Variants in ZNF575 observed in about 807,000 individuals in gnomAD.
The protein encoded by ZNF575 is zinc finger protein 575.
Under a neutral mutation model 17.5 loss-of-function variants are expected in ZNF575, and 17 were observed. The ratio of observed to expected loss-of-function variants is 0.97; its 90% CI spans 0.66 to 1.45. The LOEUF is 1.45. ZNF575 is among the 40% of genes most tolerant of loss of function. The pLI, the probability that ZNF575 is intolerant of heterozygous loss-of-function variation, is 0.00. For synonymous variants in ZNF575, 146 were observed against 158.3 expected, an observed-to-expected ratio of 0.92 and a Z score of 0.58; for missense variants, 352 against 359.2, an observed-to-expected ratio of 0.98 and a Z score of 0.16.
Position 43,535,771 on chromosome 19 carries a change from G to A in ZNF575, c.*84G>A, listed in dbSNP as rs1972413364. On this transcript the variant is annotated 3_prime_UTR_variant, in exon 4 of 4. Transcript: ENST00000314228. ...TTTCTAAGACCGACTGTATGAGCTC[G>A]CCTCTTCCAGATAGCTGGCAGAGGG... is the stretch of plus-strand genomic sequence containing the variant. The A allele has an allele frequency of 1.1e-5, 16 of 1,428,724 alleles. No homozygotes were observed. The highest frequency in any genetic ancestry group is 1.4e-5 in the Non-Finnish European group (15 of 1,075,662). 88.5% of individuals were successfully genotyped at this position (1,428,724 alleles called of 1,614,324 possible).
chr19:43,532,265 G>C (rs12981701), upstream of ZNF575, among the ~76,000 whole-genome samples: 57,218 of 151,590 alleles, frequency 0.38, 11,229 homozygotes, highest in Non-Finnish European at 0.43. Context: ...CTGACGTCAG[G>C]TGATCCGTCC....
intron 2 of ZNF575, 108 bp downstream of exon 2, chr19:43,534,010 G>C (rs1026962930): frequency 1.1e-5 from 2 of 189,932 alleles, no homozygotes; most frequent in Non-Finnish European, 2.2e-5. Flanking sequence ...CCCGCCCCCT[G>C]GGTCTAGTTT....
At chr19:43,534,582 G>A in intron 3 of ZNF575, 81 bp downstream of exon 3, 2 of 1,334,138 alleles carry the variant, frequency 1.5e-6, no homozygotes, top group South Asian at 1.7e-5. Flanking sequence ...GAATCTCAGG[G>A]TGAAAATTTG....
In ZNF575 at chr19:43,533,439, G is replaced by A. The variant is rs1398270469; in HGVS notation, c.-277G>A. ...GCAGCTCCGCTGGTCCGAGGGCAGT[G>A]CAGCAGCGGCGACAGCGGCTGCGGC... On this transcript the variant is annotated 5_prime_UTR_variant, in exon 1 of 4. Transcript: ENST00000314228. 1 of 152,218 alleles carries A rather than the reference G, an allele frequency of 6.6e-6. No homozygotes were observed. The highest frequency in any genetic ancestry group is 1.5e-5 in the Non-Finnish European group (1 of 68,084). The allele number at this position is 152,218 out of a possible 1,614,324, so 9.4% of individuals were successfully genotyped here. A position where few individuals can be genotyped will look rare whatever the true frequency, so the allele number is the denominator to read the frequency against.
upstream of ZNF575, among the ~76,000 whole-genome samples, chr19:43,532,348 C>G (rs1972355598): frequency 6.6e-6 from 1 of 152,078 alleles, no homozygotes; most frequent in Admixed American, 6.6e-5. Context: ...TTTGGAAATC[C>G]TGGGCTCAAG....
In ZNF575 at chr19:43,535,215, G is replaced by T; in HGVS notation, c.266G>T (p.Arg89Leu). The change falls in exon 4 of 4, where the codon CGA becomes CTA. Residue 89 changes from arginine (R) to leucine (L), a missense_variant. Transcript: ENST00000314228. ...CACCGCTTAGCACACGGAGGCGCCCGACCCCACCCATGCCCAGACTGCCCC... is the reference window on the plus strand; with the variant it reads ...CACCGCTTAGCACACGGAGGCGCCCTACCCCACCCATGCCCAGACTGCCCC... ...ATHRLAHGGA[R>L]PHPCPDCPKA... 6.2e-7 allele frequency: 1 copy of T among 1,610,418 alleles called. No individual in the cohort carries two copies. The highest frequency in any genetic ancestry group is 1.1e-5 in the South Asian group (1 of 90,746).
chr19:43,530,879 TATA>T (rs549367040), upstream of ZNF575, among the ~76,000 whole-genome samples: 703 of 152,270 alleles, frequency 4.6e-3, 4 homozygotes, highest in African/African-American at 0.016. Context: ...GTTTCCAGTG[TATA>T]ATAAGTGCTA....
chr19:43,531,941 A>AATTTTTTTTT, upstream of ZNF575: 3 of 173,022 alleles, frequency 1.7e-5, no homozygotes, highest in Non-Finnish European at 1.1e-5. Context: ...ATTAAGCCAG[A>AATTTTTTTTT]CTTTTTTTTT....
At chr19:43,534,149 G>A (rs1180748261) in intron 2 of ZNF575, 188 bp from the exon 3 acceptor site, 1 of 501,868 alleles carries the variant, frequency 2.0e-6, no homozygotes, top group African/African-American at 2.0e-5. Flanking sequence ...GTTAGTTGTG[G>A]AGACTCCGCC....
Position 43,535,234 on chromosome 19 carries a change from C to T in ZNF575, c.285C>T (p.Asp95=), listed in dbSNP as rs747649150. Residue 95 remains aspartate (D), a synonymous_variant, in exon 4 of 4, where the codon GAC becomes GAT. Coordinates refer to ENST00000314228, the MANE Select transcript of ZNF575 (RefSeq NM_174945.3). Reference sequence around the variant, plus strand: ...GCGCCCGACCCCACCCATGCCCAGACTGCCCCAAGGCCTTCTCCTACCCCT... The same window carrying T: ...GCGCCCGACCCCACCCATGCCCAGATTGCCCCAAGGCCTTCTCCTACCCCT... ...HGGARPHPCP[D]CPKAFSYPSK... 8.1e-6 allele frequency: 13 copies of T among 1,611,770 alleles called. No individual in the cohort carries two copies. The highest frequency in any genetic ancestry group is 1.7e-4 in the Middle Eastern group (1 of 6,056).
rs772161931 is a variant in ZNF575, at chr19:43,534,437, C to A, written c.15C>A (p.Gly5=). ...GTGCCAGCAAGATGCTGGAGCGAGG[C>A]GCGGAGTCCGCGGCCGGGGCTACCG... MLER[G]AESAAGATDP... The change falls in exon 3 of 4, where the codon GGC becomes GGA. Residue 5 remains glycine, a synonymous_variant. Transcript: ENST00000314228. 8.4e-6 allele frequency: 13 copies of A among 1,552,102 alleles called. No homozygotes were observed. Among genetic ancestry groups the A allele is most frequent in the African/African-American group, 1.4e-5 (1 of 72,332 alleles).
intron 3 of ZNF575, among the ~76,000 whole-genome samples, chr19:43,534,736 A>T (rs553784398): frequency 6.6e-6 from 1 of 152,326 alleles, no homozygotes; most frequent in Non-Finnish European, 1.5e-5. Flanking sequence ...CAGGGATGAC[A>T]TGCGGGATGT....
chr19:43,531,646 TA>T (rs1972345751), upstream of ZNF575, among the ~76,000 whole-genome samples: 3 of 152,302 alleles, frequency 2.0e-5, no homozygotes, highest in South Asian at 6.2e-4. Flanking sequence ...GGAGCTCATT[TA>T]GATCTTAAGT....
At chr19:43,533,164 C>G (rs560144885), upstream of ZNF575, 1 of 152,090 alleles carries the variant, frequency 6.6e-6, no homozygotes, top group African/African-American at 2.4e-5. Flanking sequence ...CCGCCACCGG[C>G]GGTGCACTTT....
At position 43,535,197 on chromosome 19, in the gene ZNF575, T is replaced by G. The variant is rs1162634451; in HGVS notation, c.248T>G (p.Leu83Ter). The G allele has an allele frequency of 1.9e-6, 3 of 1,610,170 alleles. No individual in the cohort carries two copies. The highest frequency in any genetic ancestry group is 2.5e-6 in the Non-Finnish European group (3 of 1,178,604). ...CCGTCCAAGCTGGCCACGCACCGCT[T>G]AGCACACGGAGGCGCCCGACCCCAC... ...SYPSKLATHR[L>*]AHGGARPHPC... The change falls in exon 4 of 4, where the codon TTA becomes TGA. Residue 83 changes from leucine to a stop codon, truncating the protein, a stop_gained. Transcript: ENST00000314228. LOFTEE classifies it high-confidence loss of function.
chr19:43,532,657 C>T (rs1479765455), upstream of ZNF575, among the ~76,000 whole-genome samples: 1 of 152,156 alleles, frequency 6.6e-6, no homozygotes, highest in Non-Finnish European at 1.5e-5. Flanking sequence ...CTGAGACCCA[C>T]CCATGCAGAG....
Position 43,534,518 on chromosome 19 carries a change from T to A in ZNF575, c.79+17T>A. On this transcript the variant is annotated intron_variant, in intron 3 of 3. Transcript: ENST00000314228. ...CCAAAGAAGGTGAGAGTGCCCCGCC[T>A]GTGAGTAGGGAGCATTCTCCAGGAA... 1 of 1,431,870 alleles carries A rather than the reference T, an allele frequency of 7.0e-7. No individual in the cohort carries two copies. The highest frequency in any genetic ancestry group is 9.2e-7 in the Non-Finnish European group (1 of 1,091,022). 88.7% of individuals were successfully genotyped at this position (1,431,870 alleles called of 1,614,324 possible). A position where few individuals can be genotyped will look rare whatever the true frequency, so the allele number is the denominator to read the frequency against.
intron 2 of ZNF575, 199 bp downstream of exon 2, chr19:43,534,101 AT>A (rs1286517153): frequency 4.7e-6 from 2 of 428,042 alleles, no homozygotes; most frequent in Non-Finnish European, 4.2e-6. Flanking sequence ...CACTCTGCGC[AT>A]AGGCCCCGCC....
At chr19:43,531,397 C>T (rs982395694), upstream of ZNF575, among the ~76,000 whole-genome samples, 1 of 152,160 alleles carries the variant, frequency 6.6e-6, no homozygotes, top group African/African-American at 2.4e-5. Context: ...GCCTGGCCAA[C>T]ATGGTGAAAC....
Sources: allele counts gnomAD v4.1 joint callset (sites outside exome capture counted in the v4.1 genomes callset), GRCh38; gene constraint gnomAD v4.1.1; transcripts MANE v1.5; gene names NCBI Gene and HGNC (gene_info 2026-07-23, HGNC 2026-07-21).